ANKRD62: variants seen among roughly 807,000 people sequenced by gnomAD.
ANKRD62 encodes ankyrin repeat domain-containing protein 62.
ANKRD62 carries 61 observed loss-of-function variants against 98.8 expected under a neutral mutation model. The ratio of observed to expected loss-of-function variants is 0.62; its 90% CI spans 0.50 to 0.76. ANKRD62 has a LOEUF of 0.76. Ranked by LOEUF, ANKRD62 falls within the 30% of genes least tolerant of loss-of-function variation. ANKRD62 has a pLI of 0.00. For synonymous variants in ANKRD62, 341 were observed against 367.9 expected (o/e 0.93, Z 0.84); for missense variants, 933 against 1,082.9 (o/e 0.86, Z 1.94).
At chr18:12,158,510 T>C in the ANKRD62 span, among the ~76,000 whole-genome samples, 1 of 148,902 alleles carries the variant, frequency 6.7e-6, no homozygotes, top group Admixed American at 6.8e-5. Context: ...AAAATTGCTT[T>C]AGAAATTTTT....
the ANKRD62 span, among the ~76,000 whole-genome samples, chr18:12,141,123 G>C: frequency 6.6e-6 from 1 of 152,226 alleles, no homozygotes; most frequent in African/African-American, 2.4e-5. Flanking sequence ...AGCAATGAGC[G>C]AGGCTCTGTG....
At position 12,103,195 on chromosome 18, in the gene ANKRD62, A is replaced by G. The variant is rs377043114; in HGVS notation, c.858A>G (p.Glu286=). 2.4e-5 allele frequency: 33 copies of G among 1,369,680 alleles called. No individual in the cohort carries two copies. The East Asian group carries it at 2.8e-4, about 12-fold the overall frequency. The allele number at this position is 1,369,680 out of a possible 1,614,324, so 84.8% of individuals were successfully genotyped here. Reference sequence around the variant, plus strand: ...AAATGACATCAGAGGGAGAGCAAGAAAGGCTTGAAGGATGTGAAAGTAGCC... The same window carrying G: ...AAATGACATCAGAGGGAGAGCAAGAGAGGCTTGAAGGATGTGAAAGTAGCC... ...DLEMTSEGEQ[E]RLEGCESSQP... is the part of the protein sequence containing the mutation. The change falls in exon 7 of 14, where the codon GAA becomes GAG. Residue 286 remains glutamate, a synonymous_variant. Coordinates refer to ENST00000587848, the MANE Select transcript of ANKRD62 (RefSeq NM_001277333.2).
intron 8 of ANKRD62, among the ~76,000 whole-genome samples, chr18:12,109,027 C>G (rs572818632): frequency 6.6e-6 from 1 of 152,202 alleles, no homozygotes; most frequent in South Asian, 2.1e-4. Context: ...GCAGCTTTTC[C>G]AGGTGCACAG....
At chr18:12,171,945 A>T in the ANKRD62 span, among the ~76,000 whole-genome samples, 2 of 152,124 alleles carry the variant, frequency 1.3e-5, no homozygotes, top group African/African-American at 4.8e-5. Flanking sequence ...AAGCTTGTGC[A>T]TGTATCACGT....
intron 8 of ANKRD62, among the ~76,000 whole-genome samples, chr18:12,114,010 A>G (rs1051329508): frequency 6.6e-6 from 1 of 152,214 alleles, no homozygotes; most frequent in Non-Finnish European, 1.5e-5. Context: ...GCTGGTGGCC[A>G]TTATTCTTAG....
chr18:12,145,688 T>G, the ANKRD62 span, among the ~76,000 whole-genome samples: 6 of 152,188 alleles, frequency 3.9e-5, no homozygotes, highest in Non-Finnish European at 5.9e-5. Context: ...AGGATGGGGC[T>G]CCCAGAGGGA....
the ANKRD62 span, among the ~76,000 whole-genome samples, chr18:12,167,704 T>C: frequency 2.0e-5 from 3 of 152,186 alleles, no homozygotes; most frequent in African/African-American, 7.2e-5. Context: ...CCTTGAGGAA[T>C]CGCCACACCG....
intron 6 of ANKRD62, among the ~76,000 whole-genome samples, chr18:12,102,948 A>G (rs2143901340): frequency 6.6e-6 from 1 of 152,276 alleles, no homozygotes; most frequent in East Asian, 1.9e-4. Context: ...GAATCTGGTG[A>G]CATCTGGTGT....
At chr18:12,127,262 A>C (rs558083522) in intron 13 of ANKRD62, among the ~76,000 whole-genome samples, 1 of 152,314 alleles carries the variant, frequency 6.6e-6, no homozygotes, top group East Asian at 1.9e-4. Context: ...AGCTGGGGTC[A>C]GGGAGAGAAG....
intron 10 of ANKRD62, among the ~76,000 whole-genome samples, chr18:12,117,321 A>G (rs1909685596): frequency 6.6e-6 from 1 of 152,194 alleles, no homozygotes; most frequent in Admixed American, 6.5e-5. Flanking sequence ...CTGTACAATT[A>G]ATGAACACAG....
chr18:12,096,598 T>C (rs1347672357), intron 4 of ANKRD62, among the ~76,000 whole-genome samples: 1 of 152,234 alleles, frequency 6.6e-6, no homozygotes, highest in Admixed American at 6.5e-5. Context: ...TTTACTTGTT[T>C]TAAAAGTGTA....
At chr18:12,169,006 T>C in the ANKRD62 span, among the ~76,000 whole-genome samples, 1 of 152,214 alleles carries the variant, frequency 6.6e-6, no homozygotes, top group Non-Finnish European at 1.5e-5. Flanking sequence ...TTTGCTGAAG[T>C]TGCTTATCAG....
At chr18:12,140,185 T>A in the ANKRD62 span, among the ~76,000 whole-genome samples, 1 of 152,232 alleles carries the variant, frequency 6.6e-6, no homozygotes, top group Non-Finnish European at 1.5e-5. Flanking sequence ...CGTGCCTTGG[T>A]TTTCAGCTCC....
At chr18:12,169,604 T>G in the ANKRD62 span, among the ~76,000 whole-genome samples, 1 of 152,214 alleles carries the variant, frequency 6.6e-6, no homozygotes, top group Non-Finnish European at 1.5e-5. Context: ...CTTTTTTTGT[T>G]GTGTCTCTGC....
chr18:12,111,048 T>C (rs1909526133), intron 8 of ANKRD62, among the ~76,000 whole-genome samples: 1 of 93,636 alleles, frequency 1.1e-5, no homozygotes, highest in Admixed American at 9.8e-5. Context: ...GGTCAGGAGA[T>C]TGAGACCATC....
chr18:12,125,902 A>T lies in ANKRD62; in HGVS notation c.2081A>T (p.Asp694Val). The change falls in exon 13 of 14, where the codon GAC (aspartate) becomes GTC (valine). Residue 694 changes from aspartate to valine, a missense_variant. Asp to Val is a radical substitution (Grantham distance 152, BLOSUM62 -3). Coordinates refer to ENST00000587848, the MANE Select transcript of ANKRD62 (RefSeq NM_001277333.2). ...AATGAATGGTGTCATTTACAAGAAG[A>T]CACTAATTCTCACATTCAGATTCTT... Reference protein sequence around the residue: ...TVNEWCHLQEDTNSHIQILSQ... With the variant: ...TVNEWCHLQEVTNSHIQILSQ... 1 of 1,541,446 alleles carries T rather than the reference A, an allele frequency of 6.5e-7. No individual in the cohort carries two copies. The highest frequency in any genetic ancestry group is 8.7e-7 in the Non-Finnish European group (1 of 1,146,994).
chr18:12,107,244 C>T, intron 7 of ANKRD62, 51 bp from the exon 8 acceptor site: 1 of 1,322,086 alleles, frequency 7.6e-7, no homozygotes, highest in South Asian at 2.0e-5. Context: ...AAAGTTCTTT[C>T]TATTGGATAA....
intron 8 of ANKRD62, among the ~76,000 whole-genome samples, chr18:12,114,623 G>C (rs1191960717): frequency 1.3e-5 from 2 of 152,126 alleles, no homozygotes; most frequent in African/African-American, 4.8e-5. Context: ...ACAGTGTTTA[G>C]AATAGTGCAC....
At chr18:12,146,227 G>C in the ANKRD62 span, among the ~76,000 whole-genome samples, 1 of 152,082 alleles carries the variant, frequency 6.6e-6, no homozygotes, top group African/African-American at 2.4e-5. Context: ...TCCCAACCGG[G>C]GTCTCCAGCC....
Sources: allele counts gnomAD v4.1 joint callset (sites outside exome capture counted in the v4.1 genomes callset), GRCh38; gene constraint gnomAD v4.1.1; transcripts MANE v1.5; gene names NCBI Gene and HGNC (gene_info 2026-07-23, HGNC 2026-07-21).